Variants in LPP observed in about 807,000 individuals in gnomAD.
LPP encodes the protein LIM domain containing preferred translocation partner in lipoma.
Under a neutral mutation model 60.4 loss-of-function variants are expected in LPP, and 38 were observed. That is an observed-to-expected ratio of 0.63 (90% CI 0.49 to 0.83). The LOEUF (loss-of-function observed/expected upper bound fraction) is 0.83, where lower values mean the gene tolerates loss of function less well. Among genes scored for constraint, LPP ranks in the 40% least tolerant of loss-of-function variants. The pLI, the probability that LPP is intolerant of heterozygous loss-of-function variation, is 0.00. For missense variants in LPP, 902 were observed against 783.6 expected (o/e 1.15, Z -1.80); for synonymous variants, 328 against 290.8 (o/e 1.13, Z -1.30).
rs909658537 is a variant in LPP at position 188,874,621 on chromosome 3, G to C, written c.*142G>C. ...CTTGCCTTAGAAACACATAAATTAT[G>C]AGATTTTTTTTAAAAGTTGTTACCA... On this transcript the variant is annotated 3_prime_UTR_variant, in exon 12 of 12. Coordinates refer to ENST00000617246, the MANE Select transcript of LPP (RefSeq NM_001375462.1). 2.1e-6 allele frequency: 2 copies of C among 962,662 alleles called. No homozygotes were observed. The allele number at this position is 962,662 out of a possible 1,614,324, so 59.6% of individuals were successfully genotyped here. A position where few individuals can be genotyped will look rare whatever the true frequency, so the allele number is the denominator to read the frequency against.
intron 3 of LPP, among the ~76,000 whole-genome samples, chr3:188,400,247 T>C (rs1377693619): frequency 2.0e-5 from 3 of 152,164 alleles, no homozygotes; most frequent in African/African-American, 4.8e-5. Flanking sequence ...TTTCCTTTCT[T>C]CTCCAAATAG....
At chr3:188,324,222 A>G (rs1325488955) in intron 2 of LPP, among the ~76,000 whole-genome samples, 2 of 152,144 alleles carry the variant, frequency 1.3e-5, no homozygotes, top group African/African-American at 4.8e-5. Flanking sequence ...CACCAGCACC[A>G]TCTTCTTTTT....
intron 6 of LPP, chr3:188,553,900 T>C (rs982431459): frequency 6.6e-6 from 1 of 152,172 alleles, no homozygotes; most frequent in Non-Finnish European, 1.5e-5. Flanking sequence ...TTGACACAGA[T>C]AGAATTGAGG....
chr3:188,818,493 G>A (rs1197680791), intron 9 of LPP, among the ~76,000 whole-genome samples: 3 of 152,164 alleles, frequency 2.0e-5, no homozygotes, highest in Non-Finnish European at 4.4e-5. Flanking sequence ...CAGGACTCTG[G>A]ACTTTCACGG....
rs767395892 is a variant in LPP, at chr3:188,874,821, T to G, written c.*342T>G. 8.8e-5 allele frequency: 22 copies of G among 249,862 alleles called. No individual in the cohort carries two copies. Among genetic ancestry groups the G allele is most frequent in the Non-Finnish European group, 1.4e-4 (18 of 128,054 alleles). 15.5% of individuals were successfully genotyped at this position (249,862 alleles called of 1,614,324 possible). A position where few individuals can be genotyped will look rare whatever the true frequency, so the allele number is the denominator to read the frequency against. ...TGAATGGCTTTTCTTAGTGTGGTAT[T>G]TGCTGTCACATAGTTTTTCCTGGGT... On this transcript the variant is annotated 3_prime_UTR_variant, in exon 12 of 12. Coordinates refer to ENST00000617246, the MANE Select transcript of LPP (RefSeq NM_001375462.1).
chr3:188,306,759 G>A (rs949853011), intron 2 of LPP, among the ~76,000 whole-genome samples: 5 of 152,174 alleles, frequency 3.3e-5, no homozygotes, highest in Non-Finnish European at 5.9e-5. Flanking sequence ...TTATTGCCAC[G>A]TGGAGATGCA....
At chr3:188,517,819 G>A (rs975624769) in intron 5 of LPP, among the ~76,000 whole-genome samples, 1 of 152,058 alleles carries the variant, frequency 6.6e-6, no homozygotes, top group African/African-American at 2.4e-5. Flanking sequence ...CATAACATGG[G>A]GAGTTATGGG....
chr3:188,293,024 A>G (rs927034768), intron 2 of LPP, among the ~76,000 whole-genome samples: 1 of 152,252 alleles, frequency 6.6e-6, no homozygotes, highest in African/African-American at 2.4e-5. Context: ...AATCACCAGC[A>G]TTACAAGTGA....
intron 4 of LPP, among the ~76,000 whole-genome samples, chr3:188,436,805 G>T (rs1792423590): frequency 6.6e-6 from 1 of 152,194 alleles, no homozygotes; most frequent in South Asian, 2.1e-4. Context: ...TTTAAAGTTT[G>T]TGTAGGTAAG....
chr3:188,841,776 A>G (rs1323661500), intron 9 of LPP, among the ~76,000 whole-genome samples: 1 of 152,188 alleles, frequency 6.6e-6, no homozygotes, highest in Admixed American at 6.5e-5. Context: ...ATTGAGCTGT[A>G]TTCCTAGGTA....
At chr3:188,340,263 G>A (rs1438453248) in intron 2 of LPP, among the ~76,000 whole-genome samples, 1 of 152,138 alleles carries the variant, frequency 6.6e-6, no homozygotes, top group African/African-American at 2.4e-5. Flanking sequence ...GAGTTATAAA[G>A]GGAATGGTTT....
intron 4 of LPP, among the ~76,000 whole-genome samples, chr3:188,432,785 C>T (rs1037490071): frequency 6.6e-6 from 1 of 152,066 alleles, no homozygotes; most frequent in Non-Finnish European, 1.5e-5. Context: ...GCATTAGAAC[C>T]TTTAAAAGGA....
intron 9 of LPP, among the ~76,000 whole-genome samples, chr3:188,855,663 C>G (rs1763668475): frequency 6.6e-6 from 1 of 152,126 alleles, no homozygotes; most frequent in Admixed American, 6.6e-5. Flanking sequence ...AGGCATTGTT[C>G]TGGAAACTGA....
chr3:188,379,331 G>C (rs555074869), intron 3 of LPP, among the ~76,000 whole-genome samples: 1 of 152,266 alleles, frequency 6.6e-6, no homozygotes, highest in Non-Finnish European at 1.5e-5. Context: ...AGGGTGGGGA[G>C]AATCAATTCT....
intron 4 of LPP, among the ~76,000 whole-genome samples, chr3:188,467,538 G>T (rs1257455656): frequency 6.6e-6 from 1 of 152,016 alleles, no homozygotes; most frequent in Non-Finnish European, 1.5e-5. Flanking sequence ...AATATGTTAG[G>T]GTACATGCCA....
intron 3 of LPP, among the ~76,000 whole-genome samples, chr3:188,386,766 G>A (rs998871591): frequency 3.1e-4 from 47 of 152,266 alleles, no homozygotes; most frequent in African/African-American, 1.1e-3. Flanking sequence ...CTGTTCAATA[G>A]CCATATTCAG....
chr3:188,332,532 A>T (rs996485718), intron 2 of LPP, among the ~76,000 whole-genome samples: 4 of 152,170 alleles, frequency 2.6e-5, no homozygotes, highest in Admixed American at 1.3e-4. Flanking sequence ...TCATTCATTC[A>T]TTCATTGAAT....
rs1361964558 is a variant in LPP, at chr3:188,599,210, CCT to C, written c.430-9947_430-9946del. The stretch of plus-strand genomic sequence containing the variant: ...TTTACATAAACAGGAGCCTTGGAGA[CCT>C]CTCAAGTTCAAAACCGATGGCATTC... On this transcript the variant is annotated intron_variant, in intron 6 of 11. Coordinates refer to ENST00000617246, the MANE Select transcript of LPP (RefSeq NM_001375462.1). Among the ~76,000 whole-genome samples the C allele has an allele frequency of 7.2e-5, 11 of 152,114 alleles. No individual in the cohort carries two copies. The East Asian group carries it at 2.1e-3, about 29-fold the overall frequency.
At chr3:188,393,134 G>T (rs1055795468) in intron 3 of LPP, among the ~76,000 whole-genome samples, 2 of 149,930 alleles carry the variant, frequency 1.3e-5, no homozygotes, top group Non-Finnish European at 3.0e-5. Context: ...GTATGTGTGG[G>T]GTCAGGTGTT....
Sources: allele counts gnomAD v4.1 joint callset (sites outside exome capture counted in the v4.1 genomes callset), GRCh38; gene constraint gnomAD v4.1.1; transcripts MANE v1.5; gene names NCBI Gene and HGNC (gene_info 2026-07-23, HGNC 2026-07-21).